Variants in MACF1 observed in about 807,000 individuals in gnomAD.
The protein encoded by MACF1 is microtubule actin crosslinking factor 1, also known as microtubule-actin cross-linking factor 1.
MACF1 carries 193 observed loss-of-function variants against 854.8 expected under a neutral mutation model. The observed-to-expected ratio is 0.23, with a 90% CI of 0.20 to 0.25. The LOEUF (loss-of-function observed/expected upper bound fraction) is 0.25, where lower values mean the gene tolerates loss of function less well. Ranked by LOEUF, MACF1 falls within the 10% of genes least tolerant of loss-of-function variation. The pLI is 1.00. For missense variants in MACF1, 7,722 were observed against 8,929.1 expected (o/e 0.86, Z 5.45); for synonymous variants, 3,185 against 3,226.7 (o/e 0.99, Z 0.44).
rs146141955 is a variant in MACF1 at position 39,333,306 on chromosome 1, C to T, written c.6718C>T (p.His2240Tyr). 1.8e-4 allele frequency: 297 copies of T among 1,613,912 alleles called. No homozygotes were observed. Among genetic ancestry groups the T allele is most frequent in the Non-Finnish European group, 2.4e-4 (282 of 1,179,986 alleles). Residue 2240 changes from histidine (H) to tyrosine (Y), a missense_variant, in exon 37 of 101, where the codon CAT (histidine) becomes TAT (tyrosine). His to Tyr is a moderately conservative substitution (Grantham distance 83). This residue lies in a region of MACF1 where 1,531 missense variants were observed against 1,601.6 expected (regional missense o/e 0.96). Transcript: ENST00000564288. ...LKKTFLAKDD[H>Y]KESQEAQNIA... is the part of the protein sequence containing the mutation. ...GAAAACATTTCTGGCTAAGGATGAC[C>T]ATAAAGAAAGTCAAGAAGCACAGAA...
At position 39,368,139 on chromosome 1, in the gene MACF1, G is replaced by A; in HGVS notation, c.12772-9G>A. On this transcript the variant is annotated splice_polypyrimidine_tract_variant and intron_variant, in intron 49 of 100. Transcript: ENST00000564288. ...GAGGATTTAATACATTTCCTTGTTT[G>A]CTTGACAGGAGCTCAATTTGGAAAT... 1.2e-6 allele frequency: 2 copies of A among 1,612,904 alleles called. No homozygotes were observed. Among genetic ancestry groups the A allele is most frequent in the Non-Finnish European group, 1.7e-6 (2 of 1,179,136 alleles).
chr1:39,352,598 A>G (rs543923572), intron 43 of MACF1, among the ~76,000 whole-genome samples: 1 of 152,056 alleles, frequency 6.6e-6, no homozygotes, highest in Admixed American at 6.5e-5. Context: ...GCTTACTGCA[A>G]CCTCCACCTC....
chr1:39,423,888 TGCCCCAAGGA>T, intron 60 of MACF1, 130 bp from the exon 61 acceptor site: 1 of 600,094 alleles, frequency 1.7e-6, no homozygotes, highest in Non-Finnish European at 2.9e-6. Context: ...CTCCTGTTTT[TGCCCCAAGGA>T]TGAAAAAAAC....
intron 58 of MACF1, chr1:39,412,536 G>A: frequency 6.2e-7 from 1 of 1,613,968 alleles, no homozygotes; most frequent in Non-Finnish European, 8.5e-7. Flanking sequence ...AGTCCCCAGA[G>A]TCAGAGATTC....
At chr1:39,200,496 C>A (rs951515176), upstream of MACF1, among the ~76,000 whole-genome samples, 6 of 150,794 alleles carry the variant, frequency 4.0e-5, no homozygotes, top group Admixed American at 2.0e-4. Flanking sequence ...ATCAGGAGTT[C>A]GAGACCAGCC....
intron 58 of MACF1, among the ~76,000 whole-genome samples, chr1:39,421,193 C>T (rs1643523462): frequency 6.6e-6 from 1 of 152,140 alleles, no homozygotes; most frequent in Admixed American, 6.5e-5. Flanking sequence ...GGCAGAAGTA[C>T]CATTCTCTTC....
Position 39,441,287 on chromosome 1 carries a change from G to T in MACF1, c.18634G>T (p.Ala6212Ser), listed in dbSNP as rs1243946178. The change falls in exon 74 of 101, where the codon GCT becomes TCT. Residue 6212 changes from alanine to serine, a missense_variant. This residue lies in a region of MACF1 where 2,807 missense variants were observed against 3,235.8 expected (regional missense o/e 0.87). Transcript: ENST00000564288. ...WKERLEKLED[A>S]MQAAVQYQDT... The stretch of plus-strand genomic sequence containing the variant: ...AGAGAGGCTAGAAAAACTTGAGGAT[G>T]CTATGCAAGCTGCTGTGCAGTATCA... The T allele has an allele frequency of 5.6e-6, 9 of 1,614,048 alleles. No homozygotes were observed. Among genetic ancestry groups the T allele is most frequent in the Non-Finnish European group, 7.6e-6 (9 of 1,180,026 alleles).
chr1:39,388,599 C>T lies in MACF1; in HGVS notation c.15757C>T (p.Leu5253Phe), dbSNP rs1219494319. ...CACAGCAGCAGAGGAGGCAGAGGCC[C>T]TCCAGTGGGTAGTGGGGACCGAAGT... The part of the protein sequence containing the change: ...ATTAAEEAEA[L>F]QWVVGTEVEI... The change falls in exon 58 of 101, where the codon CTC (leucine) becomes TTC (phenylalanine). Residue 5253 changes from leucine (L) to phenylalanine (F), a missense_variant. Transcript: ENST00000564288. The T allele has an allele frequency of 6.2e-7, 1 of 1,613,012 alleles. No homozygotes were observed. Among genetic ancestry groups the T allele is most frequent in the Non-Finnish European group, 8.5e-7 (1 of 1,179,702 alleles).
intron 95 of MACF1, 129 bp from the exon 96 acceptor site, chr1:39,468,486 T>C (rs566157479): frequency 4.3e-6 from 3 of 698,464 alleles, no homozygotes; most frequent in Admixed American, 5.9e-5. Context: ...AAATGCAAAA[T>C]TGTGAGAGTT....
intron 36 of MACF1, among the ~76,000 whole-genome samples, chr1:39,330,434 G>T (rs922425481): frequency 6.6e-6 from 1 of 152,096 alleles, no homozygotes; most frequent in African/African-American, 2.4e-5. Context: ...TCATCAGCAG[G>T]GAATTGCTAC....
At chr1:39,431,596 A>C (rs1353116933) in intron 66 of MACF1, among the ~76,000 whole-genome samples, 1 of 152,194 alleles carries the variant, frequency 6.6e-6, no homozygotes, top group East Asian at 1.9e-4. Flanking sequence ...AGATATTTCA[A>C]TATGAAATGT....
At position 39,448,589 on chromosome 1, in the gene MACF1, C is replaced by A; in HGVS notation, c.20089-5C>A. On this transcript the variant is annotated splice_region_variant and splice_polypyrimidine_tract_variant and intron_variant, in intron 83 of 100. Transcript: ENST00000564288. ...CACTTTTTTCTTTTCTTTCTGGAAA[C>A]ATAGGAGTTTCAGAAGACTCTTGGT... The A allele has an allele frequency of 6.6e-7, 1 of 1,504,656 alleles. No homozygotes were observed. The highest frequency in any genetic ancestry group is 8.9e-7 in the Non-Finnish European group (1 of 1,122,730). The allele number at this position is 1,504,656 out of a possible 1,614,324, so 93.2% of individuals were successfully genotyped here.
At chr1:39,336,691 A>G (rs1646815871) in intron 37 of MACF1, 38 bp downstream of exon 37, 1 of 1,526,600 alleles carries the variant, frequency 6.6e-7, no homozygotes, top group South Asian at 1.3e-5. Context: ...TCCTAAAGAT[A>G]CAATTAGTTT....
Position 39,302,979 on chromosome 1 carries a change from A to G in MACF1, c.2690A>G (p.Lys897Arg). The change falls in exon 23 of 101, where the codon AAA becomes AGA. Residue 897 changes from lysine to arginine, a missense_variant. By Grantham distance (26) the Lys-to-Arg change is conservative. This residue lies in a region of MACF1 where 1,137 missense variants were observed against 1,263.0 expected (regional missense o/e 0.90). Transcript: ENST00000564288. ...CTAGAAGATAATTCTCAGCGGACCA[A>G]ATGGAAAGTGATCAGCCCCACAGGG... is the stretch of plus-strand genomic sequence containing the variant. ...CVLEDNSQRT[K>R]WKVISPTGNE... 6.2e-7 allele frequency: 1 copy of G among 1,614,194 alleles called. No homozygotes were observed. Among genetic ancestry groups the G allele is most frequent in the Non-Finnish European group, 8.5e-7 (1 of 1,180,018 alleles).
At chr1:39,173,589 C>T (rs1643982591) in intron 2 of MACF1, among the ~76,000 whole-genome samples, 1 of 152,244 alleles carries the variant, frequency 6.6e-6, no homozygotes, top group South Asian at 2.1e-4. Flanking sequence ...ATTTGAAAAA[C>T]TGTTGAACAG....
At chr1:39,421,763 A>G (rs1317110305) in intron 58 of MACF1, among the ~76,000 whole-genome samples, 4 of 152,082 alleles carry the variant, frequency 2.6e-5, no homozygotes, top group Non-Finnish European at 5.9e-5. Context: ...TCTATTCTCC[A>G]TGGCTTTTTG....
intron 1 of MACF1, among the ~76,000 whole-genome samples, chr1:39,209,519 G>A (rs1644491932): frequency 6.6e-6 from 1 of 152,100 alleles, no homozygotes; most frequent in South Asian, 2.1e-4. Flanking sequence ...TGGATAATAT[G>A]ATCTTTTAAA....
At chr1:39,424,290 T>C in intron 61 of MACF1, 96 bp downstream of exon 61, 1 of 1,074,884 alleles carries the variant, frequency 9.3e-7, no homozygotes, top group East Asian at 2.6e-5. Context: ...TCATATAGAT[T>C]TTTGGAAGGT....
At position 39,432,540 on chromosome 1, in the gene MACF1, G is replaced by A. The variant is rs1175341053; in HGVS notation, c.17343G>A (p.Glu5781=). The change falls in exon 67 of 101, where the codon GAG becomes GAA. Residue 5781 remains glutamate, a synonymous_variant. Transcript: ENST00000564288. Reference sequence around the variant, plus strand: ...TTCTTTAATACGTCTATTAGTATGAGCAAGCTGCCGATGCAGAACTAGCTT... The same window carrying A: ...TTCTTTAATACGTCTATTAGTATGAACAAGCTGCCGATGCAGAACTAGCTT... ...DAAIQRSQQY[E]QAADAELAWV... 3.7e-6 allele frequency: 6 copies of A among 1,613,848 alleles called. No homozygotes were observed. The highest frequency in any genetic ancestry group is 4.2e-6 in the Non-Finnish European group (5 of 1,179,914).
Sources: allele counts gnomAD v4.1 joint callset (sites outside exome capture counted in the v4.1 genomes callset), GRCh38; gene constraint gnomAD v4.1.1; regional missense constraint gnomAD v4.1.1; transcripts MANE v1.5; gene names NCBI Gene and HGNC (gene_info 2026-07-23, HGNC 2026-07-21).